The following BCL2 variants were observed in gnomAD, a reference collection of about 807,000 sequenced individuals.
The protein encoded by BCL2 is BCL2 apoptosis regulator, also known as apoptosis regulator Bcl-2.
A neutral mutation model predicts 14.2 loss-of-function variants in BCL2; 1 was observed. The ratio of observed to expected loss-of-function variants is 0.07; its 90% CI spans 0.02 to 0.33. BCL2 has a LOEUF of 0.33. Among genes scored for constraint, BCL2 ranks in the 10% least tolerant of loss-of-function variants. The pLI is 0.99. For missense variants in BCL2, 247 were observed against 305.9 expected, an observed-to-expected ratio of 0.81 and a Z score of 1.44; for synonymous variants, 151 against 137.2, an observed-to-expected ratio of 1.10 and a Z score of -0.70.
chr18:63,306,748 C>T (rs1335246987), intron 2 of BCL2, among the ~76,000 whole-genome samples: 1 of 152,202 alleles, frequency 6.6e-6, no homozygotes, highest in African/African-American at 2.4e-5. Flanking sequence ...GTCTTCACTC[C>T]CCCAGACCAA....
At position 63,199,000 on chromosome 18, in the gene BCL2, TACACAGACAC is replaced by T. The variant is rs1362819409; in HGVS notation, c.586-70251_586-70242del. Among the ~76,000 whole-genome samples the T allele has an allele frequency of 9.9e-4, 15 of 15,076 alleles. No homozygotes were observed. In the Admixed American group the frequency reaches 0.012, roughly 12 times the overall value. The allele number at this position is 15,076 out of a possible 152,430, so 9.9% of individuals were successfully genotyped here. A position where few individuals can be genotyped will look rare whatever the true frequency, so the allele number is the denominator to read the frequency against. Reference sequence around the variant, plus strand: ...ACAGACACAGAGACACCCACAGACATACACAGACACACACAGACACACACTGACATACAGA... The same window carrying T: ...ACAGACACAGAGACACCCACAGACATACACAGACACACACTGACATACAGA... On this transcript the variant is annotated intron_variant, in intron 2 of 2. Transcript: ENST00000333681.
At chr18:63,291,605 A>C (rs1004852023) in intron 2 of BCL2, among the ~76,000 whole-genome samples, 2 of 152,212 alleles carry the variant, frequency 1.3e-5, no homozygotes, top group African/African-American at 4.8e-5. Context: ...CCAATCTGTA[A>C]AAGACTCGGG....
intron 2 of BCL2, among the ~76,000 whole-genome samples, chr18:63,256,959 G>A (rs896805399): frequency 6.6e-6 from 1 of 152,156 alleles, no homozygotes; most frequent in Non-Finnish European, 1.5e-5. Context: ...AAAAATGAGG[G>A]AAAGTAATGA....
At chr18:63,282,746 C>A (rs1012112277) in intron 2 of BCL2, among the ~76,000 whole-genome samples, 1 of 152,036 alleles carries the variant, frequency 6.6e-6, no homozygotes, top group African/African-American at 2.4e-5. Context: ...AATATAGGCC[C>A]TGGTTCACAG....
At chr18:63,300,137 C>G (rs1912918197) in intron 2 of BCL2, among the ~76,000 whole-genome samples, 1 of 152,184 alleles carries the variant, frequency 6.6e-6, no homozygotes, top group Non-Finnish European at 1.5e-5. Context: ...GGGGAGGTGG[C>G]TCTTCTAAAT....
chr18:63,310,016 C>G (rs1913259581), intron 2 of BCL2, among the ~76,000 whole-genome samples: 1 of 152,080 alleles, frequency 6.6e-6, no homozygotes, highest in South Asian at 2.1e-4. Context: ...GCGCCCACCA[C>G]CACACCTGGC....
chr18:63,317,919 C>A, intron 2 of BCL2, 163 bp downstream of exon 2: 1 of 1,447,924 alleles, frequency 6.9e-7, no homozygotes, highest in South Asian at 1.5e-5. Flanking sequence ...TGGGAGTGAA[C>A]GCTTTGTCCA....
intron 2 of BCL2, among the ~76,000 whole-genome samples, chr18:63,251,120 TCACA>T (rs981547011): frequency 8.8e-5 from 12 of 136,914 alleles, no homozygotes; most frequent in Non-Finnish European, 1.8e-4. Flanking sequence ...TGAAGAAGGG[TCACA>T]CGGTTGAAAC....
At chr18:63,304,742 A>G (rs1435492601) in intron 2 of BCL2, among the ~76,000 whole-genome samples, 5 of 152,166 alleles carry the variant, frequency 3.3e-5, no homozygotes, top group Non-Finnish European at 1.5e-5. Flanking sequence ...CCAATGCGGC[A>G]TTTTCTTGGG....
chr18:63,250,732 T>A (rs1599269542), intron 2 of BCL2, among the ~76,000 whole-genome samples: 1 of 152,202 alleles, frequency 6.6e-6, no homozygotes, highest in East Asian at 1.9e-4. Flanking sequence ...TTTTGAAGAA[T>A]TTCTGAAACA....
intron 2 of BCL2, among the ~76,000 whole-genome samples, chr18:63,158,942 A>AC (rs943558402): frequency 6.6e-6 from 1 of 151,968 alleles, no homozygotes; most frequent in Non-Finnish European, 1.5e-5. Flanking sequence ...ATTCACGTTA[A>AC]CCCCCCATCC....
At chr18:63,213,557 C>A (rs564239316) in intron 2 of BCL2, among the ~76,000 whole-genome samples, 2,384 of 151,066 alleles carry the variant, frequency 0.016, 68 homozygotes, top group African/African-American at 0.055. Context: ...AACACACACA[C>A]ACACACACAC....
chr18:63,274,277 CTTT>C (rs74169950), intron 2 of BCL2, among the ~76,000 whole-genome samples: 6 of 86,750 alleles, frequency 6.9e-5, no homozygotes, highest in Middle Eastern at 0.011. Flanking sequence ...TAAAGATACT[CTTT>C]TTTTTTTTTT....
At chr18:63,216,918 G>C (rs1175008725) in intron 2 of BCL2, among the ~76,000 whole-genome samples, 1 of 152,136 alleles carries the variant, frequency 6.6e-6, no homozygotes, top group East Asian at 1.9e-4. Context: ...CTAACAGTTG[G>C]CACATTCTGA....
Position 63,128,495 on chromosome 18 carries a change from T to A in BCL2, c.*130A>T. 1 of 615,264 alleles carries A rather than the reference T, an allele frequency of 1.6e-6. No homozygotes were observed. The highest frequency in any genetic ancestry group is 3.0e-6 in the Non-Finnish European group (1 of 332,522). The allele number at this position is 615,264 out of a possible 1,614,324, so 38.1% of individuals were successfully genotyped here. Reference sequence around the variant, plus strand: ...TGTGTGTGTCTGTCTGTGTGTGTGATGTTTATATGTGTGTTATTTTTTCTT... The same window carrying A: ...TGTGTGTGTCTGTCTGTGTGTGTGAAGTTTATATGTGTGTTATTTTTTCTT... On this transcript the variant is annotated 3_prime_UTR_variant, in exon 3 of 3. Coordinates refer to ENST00000333681, the MANE Select transcript of BCL2 (RefSeq NM_000633.3).
At chr18:63,131,657 C>T (rs1338955834) in intron 2 of BCL2, among the ~76,000 whole-genome samples, 13 of 152,176 alleles carry the variant, frequency 8.5e-5, no homozygotes, top group Admixed American at 8.5e-4. Flanking sequence ...AAAGACACCC[C>T]AAATTTGTCA....
intron 2 of BCL2, among the ~76,000 whole-genome samples, chr18:63,270,466 C>G (rs571579857): frequency 1.3e-5 from 2 of 152,246 alleles, no homozygotes; most frequent in East Asian, 3.9e-4. Flanking sequence ...ATATGCAGAA[C>G]AGCATATATG....
intron 2 of BCL2, among the ~76,000 whole-genome samples, chr18:63,280,660 C>T (rs549405830): frequency 6.6e-6 from 1 of 152,274 alleles, no homozygotes; most frequent in East Asian, 1.9e-4. Flanking sequence ...TGAAGAGGGC[C>T]ATCTTGAAAA....
chr18:63,236,920 A>C (rs1453275842), intron 2 of BCL2, among the ~76,000 whole-genome samples: 2 of 152,182 alleles, frequency 1.3e-5, no homozygotes, highest in Non-Finnish European at 2.9e-5. Flanking sequence ...GTGAAATTCT[A>C]GACTCTTCAT....
Sources: allele counts gnomAD v4.1 joint callset (sites outside exome capture counted in the v4.1 genomes callset), GRCh38; gene constraint gnomAD v4.1.1; transcripts MANE v1.5; gene names NCBI Gene and HGNC (gene_info 2026-07-23, HGNC 2026-07-21).